Variants in PTPRA observed in about 807,000 individuals in gnomAD.
PTPRA encodes receptor-type tyrosine-protein phosphatase alpha.
A neutral mutation model predicts 104.8 loss-of-function variants in PTPRA; 25 were observed. That is an observed-to-expected ratio of 0.24 (90% CI 0.17 to 0.33). The LOEUF (loss-of-function observed/expected upper bound fraction) is 0.33, where lower values mean the gene tolerates loss of function less well. PTPRA is among the 10% of genes least tolerant of loss of function. The pLI, the probability that PTPRA is intolerant of heterozygous loss-of-function variation, is 1.00. For synonymous variants in PTPRA, 323 were observed against 368.9 expected (o/e 0.88, Z 1.43); for missense variants, 765 against 1,015.3 (o/e 0.75, Z 3.35).
At chr20:2,881,776 G>A (rs1473381228) in intron 1 of PTPRA, among the ~76,000 whole-genome samples, 1 of 152,138 alleles carries the variant, frequency 6.6e-6, no homozygotes, top group Non-Finnish European at 1.5e-5. Context: ...CGAAGTGGAC[G>A]GATCACTTGA....
chr20:2,981,149 A>G (rs891503639), intron 6 of PTPRA, among the ~76,000 whole-genome samples: 1 of 152,178 alleles, frequency 6.6e-6, no homozygotes, highest in African/African-American at 2.4e-5. Flanking sequence ...CAAAACAAAA[A>G]AAAAGCATTT....
chr20:2,973,399 G>C (rs1347159966), intron 5 of PTPRA, among the ~76,000 whole-genome samples: 2 of 152,098 alleles, frequency 1.3e-5, no homozygotes, highest in Admixed American at 6.5e-5. Context: ...ACATCCCATA[G>C]GTGTTTCTAT....
rs1354766111 is a variant in PTPRA at position 2,964,344 on chromosome 20, A to G, written c.67A>G (p.Thr23Ala). ...GATATGTGTCAGTGCCAACAATGCT[A>G]CCACAGGTAAATTGTCATTTGATAA... ...GLICVSANNA[T>A]TVAPSVGITR... is the part of the protein sequence containing the mutation. Residue 23 changes from threonine to alanine, a missense_variant, in exon 4 of 24, where the codon ACC (threonine) becomes GCC (alanine). Coordinates refer to ENST00000399903, the MANE Select transcript of PTPRA (RefSeq NM_001385305.1). 4 of 1,595,252 alleles carry G rather than the reference A, an allele frequency of 2.5e-6. No individual in the cohort carries two copies. Among genetic ancestry groups the G allele is most frequent in the Middle Eastern group, 1.7e-4 (1 of 6,052 alleles).
chr20:2,983,173 G>C (rs1383045376), intron 6 of PTPRA, among the ~76,000 whole-genome samples: 1 of 152,124 alleles, frequency 6.6e-6, no homozygotes, highest in African/African-American at 2.4e-5. Context: ...GTGACACACA[G>C]AGAACCAGAC....
At chr20:3,012,338 G>A (rs2064213922) in intron 11 of PTPRA, among the ~76,000 whole-genome samples, 1 of 152,232 alleles carries the variant, frequency 6.6e-6, no homozygotes, top group Non-Finnish European at 1.5e-5. Flanking sequence ...GGTTGACAAG[G>A]AAGCGGCGAC....
At chr20:2,923,752 T>C (rs1373195776) in intron 2 of PTPRA, among the ~76,000 whole-genome samples, 3 of 152,098 alleles carry the variant, frequency 2.0e-5, no homozygotes, top group African/African-American at 7.2e-5. Context: ...TGAGCTGAGA[T>C]CGCACACTGC....
chr20:2,920,884 G>A (rs777967913), intron 1 of PTPRA, among the ~76,000 whole-genome samples: 2 of 152,146 alleles, frequency 1.3e-5, no homozygotes, highest in Non-Finnish European at 2.9e-5. Context: ...TGCTGAGGGA[G>A]TGAGTACTCA....
intron 20 of PTPRA, among the ~76,000 whole-genome samples, chr20:3,034,550 G>T (rs1429206589): frequency 2.8e-5 from 4 of 142,702 alleles, no homozygotes; most frequent in Admixed American, 1.4e-4. Context: ...GCCTTAATGA[G>T]AATTTTTTTT....
At chr20:2,876,880 T>A (rs1186220753) in intron 1 of PTPRA, among the ~76,000 whole-genome samples, 1 of 152,182 alleles carries the variant, frequency 6.6e-6, no homozygotes, top group East Asian at 1.9e-4. Context: ...ATATGCCTAC[T>A]TTTCCTCCAC....
intron 16 of PTPRA, 104 bp from the exon 17 acceptor site, chr20:3,024,368 T>C: frequency 8.2e-7 from 1 of 1,223,708 alleles, no homozygotes; most frequent in Non-Finnish European, 1.2e-6. Flanking sequence ...CCTGCTAGGA[T>C]CAAAGGAGAA....
chr20:2,956,451 G>A (rs1309846501), intron 3 of PTPRA, among the ~76,000 whole-genome samples: 1 of 151,646 alleles, frequency 6.6e-6, no homozygotes, highest in Non-Finnish European at 1.5e-5. Flanking sequence ...TCATTTAGCA[G>A]ATATTTATTG....
intron 13 of PTPRA, among the ~76,000 whole-genome samples, chr20:3,020,485 G>T (rs544562006): frequency 6.6e-6 from 1 of 152,308 alleles, no homozygotes; most frequent in South Asian, 2.1e-4. Context: ...GTATATCCTG[G>T]ATCAGCAGAG....
intron 2 of PTPRA, among the ~76,000 whole-genome samples, chr20:2,927,834 AC>A (rs990821956): frequency 1.3e-5 from 2 of 151,852 alleles, no homozygotes; most frequent in Non-Finnish European, 2.9e-5. Flanking sequence ...ACACGGCAAA[AC>A]CCTGTCTCTA....
chr20:2,983,388 T>A (rs2062767589), intron 6 of PTPRA, among the ~76,000 whole-genome samples: 1 of 152,016 alleles, frequency 6.6e-6, no homozygotes, highest in Admixed American at 6.6e-5. Context: ...GAGATTAGAT[T>A]TCATTCTGAG....
chr20:2,864,699 TG>T, the PTPRA span: 11 of 1,589,866 alleles, frequency 6.9e-6, no homozygotes, highest in East Asian at 4.5e-5. The surrounding 1 kb of genome is among the most constrained non-coding windows in gnomAD (Gnocchi z 5.2). Flanking sequence ...GCATGTGGGC[TG>T]GGGCTGTTGG....
chr20:2,982,121 C>T (rs1185155739), intron 6 of PTPRA, among the ~76,000 whole-genome samples: 1 of 145,134 alleles, frequency 6.9e-6, no homozygotes. Flanking sequence ...GGCAGAGTCT[C>T]GCTCCGTCAC....
At chr20:3,014,444 C>T (rs939055807) in intron 11 of PTPRA, among the ~76,000 whole-genome samples, 2 of 152,068 alleles carry the variant, frequency 1.3e-5, no homozygotes, top group Non-Finnish European at 2.9e-5. Context: ...TCGAGAGCAG[C>T]GTGGCCAACA....
chr20:2,918,490 C>T (rs1004825276), intron 1 of PTPRA, among the ~76,000 whole-genome samples: 1 of 152,166 alleles, frequency 6.6e-6, no homozygotes, highest in Non-Finnish European at 1.5e-5. Flanking sequence ...GCTCTGTTAA[C>T]AGTAGGGGAT....
intron 5 of PTPRA, among the ~76,000 whole-genome samples, 177 bp downstream of exon 5, chr20:2,965,379 A>G (rs1239339108): frequency 1.3e-5 from 2 of 152,222 alleles, no homozygotes; most frequent in African/African-American, 4.8e-5. Flanking sequence ...AAGAAGAAAG[A>G]TTCTGGAGAA....
Sources: allele counts gnomAD v4.1 joint callset (sites outside exome capture counted in the v4.1 genomes callset), GRCh38; gene constraint gnomAD v4.1.1; non-coding constraint Gnocchi (gnomAD v3.1); transcripts MANE v1.5; gene names NCBI Gene and HGNC (gene_info 2026-07-23, HGNC 2026-07-21).